CELF4: variants seen among roughly 807,000 people sequenced by gnomAD.
CELF4 encodes CUG-BP- and ETR-3-like factor 4.
A neutral mutation model predicts 59.9 loss-of-function variants in CELF4; 18 were observed. That is an observed-to-expected ratio of 0.30 (90% CI 0.21 to 0.45). The LOEUF (loss-of-function observed/expected upper bound fraction) is 0.45, where lower values mean the gene tolerates loss of function less well. CELF4 is among the 20% of genes least tolerant of loss of function. CELF4 has a pLI of 1.00. For synonymous variants in CELF4, 261 were observed against 267.1 expected, an observed-to-expected ratio of 0.98 and a Z score of 0.22; for missense variants, 456 against 689.0, an observed-to-expected ratio of 0.66 and a Z score of 3.79.
intron 1 of CELF4, among the ~76,000 whole-genome samples, chr18:37,544,082 A>G (rs2099979623): frequency 6.6e-6 from 1 of 151,032 alleles, no homozygotes; most frequent in Non-Finnish European, 1.5e-5. Context: ...ACCTCCCAGG[A>G]AGGGAGGGCT....
intron 1 of CELF4, among the ~76,000 whole-genome samples, chr18:37,563,664 A>T (rs1013669508): frequency 6.6e-6 from 1 of 152,140 alleles, no homozygotes; most frequent in African/African-American, 2.4e-5. Context: ...TCTTTTGAAC[A>T]GACAGACATT....
At chr18:37,458,674 G>A (rs2099785385) in intron 2 of CELF4, among the ~76,000 whole-genome samples, 1 of 152,176 alleles carries the variant, frequency 6.6e-6, no homozygotes, top group Non-Finnish European at 1.5e-5. Context: ...TAGAGCCTGT[G>A]CTGTTTGTAG....
intron 2 of CELF4, among the ~76,000 whole-genome samples, chr18:37,393,739 C>A (rs1437946143): frequency 6.8e-6 from 1 of 147,222 alleles, no homozygotes; most frequent in Non-Finnish European, 1.5e-5. Context: ...AGGCAGATTC[C>A]TTCACCTTTT....
At chr18:37,257,697 C>G (rs189717300) in intron 11 of CELF4, among the ~76,000 whole-genome samples, 1 of 152,266 alleles carries the variant, frequency 6.6e-6, no homozygotes, top group East Asian at 1.9e-4. Context: ...GACCTGGGTT[C>G]CTTGCAACTC....
chr18:37,385,632 C>A (rs1158814937), intron 2 of CELF4, among the ~76,000 whole-genome samples: 2 of 152,016 alleles, frequency 1.3e-5, no homozygotes. Flanking sequence ...TAACCTGATT[C>A]ATTCTGCAAA....
chr18:37,422,916 C>T (rs1490972353), intron 2 of CELF4, among the ~76,000 whole-genome samples: 1 of 152,254 alleles, frequency 6.6e-6, no homozygotes, highest in Non-Finnish European at 1.5e-5. Flanking sequence ...CGCAAAATTT[C>T]CCTGTTTTCT....
intron 2 of CELF4, among the ~76,000 whole-genome samples, chr18:37,345,273 A>C (rs1400789227): frequency 1.3e-5 from 2 of 152,240 alleles, no homozygotes; most frequent in African/African-American, 2.4e-5. Flanking sequence ...GGTTCCCTTC[A>C]CTCATTTTAA....
intron 3 of CELF4, among the ~76,000 whole-genome samples, chr18:37,288,440 A>G (rs920920560): frequency 2.0e-5 from 3 of 152,360 alleles, no homozygotes; most frequent in African/African-American, 4.8e-5. Context: ...GGCCAAGCAC[A>G]GCTCAGACCA....
chr18:37,393,097 AGAGAGACACAGGGACTGCGGTGTGTTG>A, intron 2 of CELF4, among the ~76,000 whole-genome samples: 1 of 58,656 alleles, frequency 1.7e-5, no homozygotes, highest in Admixed American at 1.7e-4. Context: ...GCGGTGTGTT[AGAGAGACACAGGGACTGCGGTGTGTTG>A]GACACACACA....
intron 2 of CELF4, among the ~76,000 whole-genome samples, chr18:37,441,965 C>A (rs9965925): frequency 1.2e-5 from 1 of 82,560 alleles, no homozygotes; most frequent in African/African-American, 4.2e-5. Flanking sequence ...GTGCGTCACC[C>A]AAACCGCAAA....
At chr18:37,374,644 G>A (rs1368114811) in intron 2 of CELF4, among the ~76,000 whole-genome samples, 2 of 152,196 alleles carry the variant, frequency 1.3e-5, no homozygotes, top group South Asian at 2.1e-4. Context: ...TGGAAGACGT[G>A]GGGGCATTGT....
In CELF4 at chr18:37,422,902, ACAACG is replaced by A. The variant is rs1195589475; in HGVS notation, c.369+62618_369+62622del. On this transcript the variant is annotated intron_variant, in intron 2 of 12. Transcript: ENST00000420428. ...AATGCTTCTCGCTTCTGCCATGAGC[ACAACG>A]CAAAATTTCCCTGTTTTCTTCAGTA... Among the ~76,000 whole-genome samples, 7 of 152,322 alleles carry A rather than the reference ACAACG, an allele frequency of 4.6e-5. 1 individual carries two copies. The South Asian group carries it at 1.2e-3, about 27-fold the overall frequency.
chr18:37,519,743 G>T (rs927203834), intron 1 of CELF4, among the ~76,000 whole-genome samples: 5 of 152,208 alleles, frequency 3.3e-5, no homozygotes, highest in Non-Finnish European at 7.3e-5. Flanking sequence ...CTGCACCTCT[G>T]TGATTTATGG....
intron 1 of CELF4, among the ~76,000 whole-genome samples, chr18:37,494,212 A>G (rs1358065498): frequency 6.6e-6 from 1 of 152,202 alleles, no homozygotes; most frequent in East Asian, 1.9e-4. Flanking sequence ...AAGCTTGAGA[A>G]TTACATGTCT....
At chr18:37,530,503 G>T (rs901808757) in intron 1 of CELF4, among the ~76,000 whole-genome samples, 4 of 152,164 alleles carry the variant, frequency 2.6e-5, no homozygotes. Flanking sequence ...CTTTAAGAAT[G>T]GGGGTGGGTT....
chr18:37,549,423 G>T (rs181305002), intron 1 of CELF4, among the ~76,000 whole-genome samples: 51 of 152,280 alleles, frequency 3.3e-4, no homozygotes, highest in Admixed American at 1.4e-3. Context: ...GCCAGGGGCT[G>T]CCCCGCAGGC....
At chr18:37,512,138 G>T (rs1292649781) in intron 1 of CELF4, among the ~76,000 whole-genome samples, 1 of 152,216 alleles carries the variant, frequency 6.6e-6, no homozygotes, top group Non-Finnish European at 1.5e-5. Flanking sequence ...ACAGTTGGGG[G>T]GCAGGGGGCG....
At position 37,319,351 on chromosome 18, in the gene CELF4, A is replaced by G. The variant is rs144680713; in HGVS notation, c.448+2452T>C. Among the ~76,000 whole-genome samples the G allele has an allele frequency of 7.2e-4, 110 of 152,240 alleles. 1 individual carries two copies. Among genetic ancestry groups the G allele is most frequent in the African/African-American group, 2.4e-3 (101 of 41,542 alleles). On this transcript the variant is annotated intron_variant, in intron 3 of 12. Transcript: ENST00000420428. ...CTGAAGCATCTCTAACCCTCAACCA[A>G]CTGGACCTTGACTACCGGGGTCCTT...
intron 2 of CELF4, among the ~76,000 whole-genome samples, chr18:37,338,907 C>T (rs2097885666): frequency 6.6e-6 from 1 of 152,062 alleles, no homozygotes; most frequent in Non-Finnish European, 1.5e-5. Context: ...CTTCCCTCCA[C>T]CTTTCTCTCT....
Sources: allele counts gnomAD v4.1 joint callset (sites outside exome capture counted in the v4.1 genomes callset), GRCh38; gene constraint gnomAD v4.1.1; transcripts MANE v1.5; gene names NCBI Gene and HGNC (gene_info 2026-07-23, HGNC 2026-07-21).